The following NRXN3 variants were observed in gnomAD, a reference collection of about 807,000 sequenced individuals.
NRXN3 encodes the protein neurexin III.
NRXN3 carries 32 observed loss-of-function variants against 137.6 expected under a neutral mutation model. The observed-to-expected ratio is 0.23, with a 90% CI of 0.18 to 0.31. NRXN3 has a LOEUF of 0.31. Ranked by LOEUF, NRXN3 falls within the 10% of genes least tolerant of loss-of-function variation. The probability of loss-of-function intolerance (pLI) is 1.00; values close to 1 mark genes in which losing one functional copy is unlikely to be tolerated. For missense variants in NRXN3, 1,574 were observed against 2,062.5 expected (o/e 0.76, Z 4.59); for synonymous variants, 798 against 784.5 (o/e 1.02, Z -0.29).
intron 15 of NRXN3, among the ~76,000 whole-genome samples, chr14:79,246,429 C>G (rs183747358): frequency 1.3e-5 from 2 of 152,138 alleles, no homozygotes; most frequent in Admixed American, 1.3e-4. Context: ...TGACTCTGTC[C>G]GAGGTTCTGC....
intron 1 of NRXN3, among the ~76,000 whole-genome samples, chr14:78,237,447 A>G (rs1469616622): frequency 6.6e-6 from 1 of 152,194 alleles, no homozygotes; most frequent in Non-Finnish European, 1.5e-5. Flanking sequence ...TGTTGTTTTC[A>G]TTATTAGACA....
intron 19 of NRXN3, among the ~76,000 whole-genome samples, chr14:79,774,146 T>C (rs1432352427): frequency 1.3e-5 from 2 of 152,132 alleles, no homozygotes; most frequent in African/African-American, 4.8e-5. Flanking sequence ...TAGTGGAAAG[T>C]TATAAAATGC....
chr14:78,976,811 C>G (rs1201071252), intron 14 of NRXN3, among the ~76,000 whole-genome samples: 1 of 152,114 alleles, frequency 6.6e-6, no homozygotes, highest in Non-Finnish European at 1.5e-5. Flanking sequence ...TTTCTGGACT[C>G]CTCATCAACT....
At chr14:78,784,078 A>C (rs1182969089) in intron 8 of NRXN3, among the ~76,000 whole-genome samples, 1 of 151,826 alleles carries the variant, frequency 6.6e-6, no homozygotes, top group Non-Finnish European at 1.5e-5. Context: ...AAAAAAAAAA[A>C]AAACAACACC....
At chr14:78,574,701 C>T (rs374038817) in intron 4 of NRXN3, among the ~76,000 whole-genome samples, 5 of 152,116 alleles carry the variant, frequency 3.3e-5, no homozygotes, top group African/African-American at 7.2e-5. Context: ...TTTACAGGCT[C>T]ATAGGTGGAA....
At chr14:79,141,882 C>T (rs1263251490) in intron 15 of NRXN3, among the ~76,000 whole-genome samples, 1 of 152,094 alleles carries the variant, frequency 6.6e-6, no homozygotes, top group African/African-American at 2.4e-5. Flanking sequence ...CGGTATATTC[C>T]ATTAAGTGCA....
rs759656433 is a variant in NRXN3, at chr14:78,967,313, G to A, written c.2883G>A (p.Arg961=). The change falls in exon 13 of 21, where the codon CGG becomes CGA. Residue 961 remains arginine, a synonymous_variant. Coordinates refer to ENST00000335750, the MANE Select transcript of NRXN3 (RefSeq NM_001330195.2). ...AGTGGCACAATGTCGTCATCACTCG[G>A]GACAATAGTAACACTCATAGCCTGA... ...DNQWHNVVIT[R]DNSNTHSLKV... 5.6e-6 allele frequency: 9 copies of A among 1,613,716 alleles called. No homozygotes were observed. The South Asian group carries it at 9.9e-5, about 18-fold the overall frequency.
At chr14:79,620,367 C>T (rs1319648931) in intron 16 of NRXN3, among the ~76,000 whole-genome samples, 1 of 152,008 alleles carries the variant, frequency 6.6e-6, no homozygotes, top group Non-Finnish European at 1.5e-5. Context: ...TGATGTGAAA[C>T]CATGCATATG....
At chr14:79,705,492 G>T (rs184529322) in intron 19 of NRXN3, among the ~76,000 whole-genome samples, 1 of 152,250 alleles carries the variant, frequency 6.6e-6, no homozygotes, top group Admixed American at 6.5e-5. Flanking sequence ...TGCTTTTGCA[G>T]ATTTTTTTCC....
At chr14:78,290,918 A>AAG (rs371624708) in intron 3 of NRXN3, among the ~76,000 whole-genome samples, 350 of 152,266 alleles carry the variant, frequency 2.3e-3, no homozygotes, top group African/African-American at 8.0e-3. Flanking sequence ...TTGCGTTTTA[A>AAG]AGAGAGAAGT....
At chr14:79,303,913 G>A (rs562593726) in intron 15 of NRXN3, among the ~76,000 whole-genome samples, 2 of 152,096 alleles carry the variant, frequency 1.3e-5, no homozygotes, top group Admixed American at 1.3e-4. Flanking sequence ...AACATAGTAA[G>A]AGAATAGTAA....
intron 19 of NRXN3, among the ~76,000 whole-genome samples, chr14:79,772,305 G>GC (rs1454665098): frequency 6.6e-6 from 1 of 151,966 alleles, no homozygotes; most frequent in Non-Finnish European, 1.5e-5. Flanking sequence ...CCAAAAAAGA[G>GC]CCCGCATCAC....
chr14:79,788,999 A>G (rs1385798900), intron 19 of NRXN3, among the ~76,000 whole-genome samples: 2 of 152,188 alleles, frequency 1.3e-5, no homozygotes, highest in East Asian at 3.8e-4. Flanking sequence ...GAAAACATTT[A>G]ATAGTCAGTA....
In NRXN3 at chr14:79,477,020, G is replaced by A. The variant is rs958888956; in HGVS notation, c.3444+9618G>A. On this transcript the variant is annotated intron_variant, in intron 16 of 20. Coordinates refer to ENST00000335750, the MANE Select transcript of NRXN3 (RefSeq NM_001330195.2). Reference sequence around the variant, plus strand: ...ATGTGAAGAAAGTTAATATCTAGCCGGGGGGTAGAGGGGAATGAAAATCAT... The same window carrying A: ...ATGTGAAGAAAGTTAATATCTAGCCAGGGGGTAGAGGGGAATGAAAATCAT... Among the ~76,000 whole-genome samples the A allele has an allele frequency of 5.9e-5, 9 of 152,096 alleles. No individual in the cohort carries two copies. In the Middle Eastern group the frequency reaches 0.01, roughly 172 times the overall value.
chr14:79,349,543 A>AC (rs1330548803), intron 15 of NRXN3, among the ~76,000 whole-genome samples: 7 of 107,118 alleles, frequency 6.5e-5, no homozygotes, highest in African/African-American at 3.1e-4. Context: ...GGGAAAAAAA[A>AC]ATACACACAC....
intron 8 of NRXN3, among the ~76,000 whole-genome samples, chr14:78,767,027 C>A (rs749978248): frequency 2.6e-5 from 4 of 152,208 alleles, no homozygotes; most frequent in Admixed American, 2.0e-4. Context: ...GACTTAGCTG[C>A]TTAAAACAAC....
chr14:79,528,525 C>T (rs1355473893), intron 16 of NRXN3, among the ~76,000 whole-genome samples: 2 of 151,912 alleles, frequency 1.3e-5, no homozygotes, highest in African/African-American at 4.8e-5. Context: ...CAAATAAATA[C>T]TGGAATGATA....
intron 16 of NRXN3, among the ~76,000 whole-genome samples, chr14:79,531,446 A>G (rs1269321266): frequency 6.6e-6 from 1 of 152,214 alleles, no homozygotes; most frequent in Non-Finnish European, 1.5e-5. Context: ...ATGACATGGC[A>G]CAGTATCCAG....
In NRXN3 at chr14:78,701,402, T is replaced by C. The variant is rs970856549; in HGVS notation, c.1222-7815T>C. 2.6e-5 allele frequency among the ~76,000 whole-genome samples: 4 copies of C among 152,192 alleles called. No homozygotes were observed. In the South Asian group the frequency reaches 8.3e-4, roughly 32 times the overall value. Reference sequence around the variant, plus strand: ...GGGCTTTTGGGCTTGCACTCATGGCTCTGTGATTCATGAGGGCAGAAAAAC... The same window carrying C: ...GGGCTTTTGGGCTTGCACTCATGGCCCTGTGATTCATGAGGGCAGAAAAAC... On this transcript the variant is annotated intron_variant, in intron 6 of 20. Coordinates refer to ENST00000335750, the MANE Select transcript of NRXN3 (RefSeq NM_001330195.2).
Sources: allele counts gnomAD v4.1 joint callset (sites outside exome capture counted in the v4.1 genomes callset), GRCh38; gene constraint gnomAD v4.1.1; transcripts MANE v1.5; gene names NCBI Gene and HGNC (gene_info 2026-07-23, HGNC 2026-07-21).